Variants in MALRD1 observed in about 807,000 individuals in gnomAD.
MALRD1 encodes MAM and LDL receptor class A domain containing 1, also known as MAM and LDL-receptor class A domain-containing protein 1.
In MALRD1, 247 loss-of-function variants were observed where a neutral mutation model predicts 242.1. That is an observed-to-expected ratio of 1.02 (90% CI 0.92 to 1.13). The LOEUF is 1.13. Among genes scored for constraint, MALRD1 ranks in the 50% most tolerant of loss-of-function variants. MALRD1 has a pLI of 0.00. For synonymous variants in MALRD1, 995 were observed against 866.6 expected, an observed-to-expected ratio of 1.15 and a Z score of -2.60; for missense variants, 2,989 against 2,533.1, an observed-to-expected ratio of 1.18 and a Z score of -3.86.
chr10:19,661,198 T>C (rs1841410337), intron 36 of MALRD1, among the ~76,000 whole-genome samples: 1 of 152,186 alleles, frequency 6.6e-6, no homozygotes, highest in Non-Finnish European at 1.5e-5. Flanking sequence ...GACTGTAAAC[T>C]AGTTCAACCA....
intron 38 of MALRD1, among the ~76,000 whole-genome samples, chr10:19,706,494 G>A (rs1043901089): frequency 2.0e-5 from 3 of 151,870 alleles, no homozygotes; most frequent in Non-Finnish European, 4.4e-5. Context: ...GGGATTACAG[G>A]TGCCTGCCAC....
At chr10:19,229,091 A>G (rs557244971) in intron 18 of MALRD1, among the ~76,000 whole-genome samples, 5 of 152,196 alleles carry the variant, frequency 3.3e-5, no homozygotes, top group African/African-American at 1.2e-4. Context: ...ATTGTGTTTG[A>G]AATAAAAATA....
Position 19,595,552 on chromosome 10 carries a change from C to T in MALRD1, c.5944+95C>T, listed in dbSNP as rs1164571291. The T allele has an allele frequency of 4.3e-5, 57 of 1,323,276 alleles. 2 individuals carry two copies. In the South Asian group the frequency reaches 8.8e-4, roughly 20 times the overall value. The allele number at this position is 1,323,276 out of a possible 1,614,324, so 82.0% of individuals were successfully genotyped here. The stretch of plus-strand genomic sequence containing the variant: ...CAGATAAAATGAAGTTCTCTAGAGC[C>T]TTACCGTGATTGTATCATTAATAAC... On this transcript the variant is annotated intron_variant, in intron 34 of 39. Transcript: ENST00000454679.
chr10:19,598,721 C>T (rs953435165), intron 34 of MALRD1, among the ~76,000 whole-genome samples: 3 of 151,850 alleles, frequency 2.0e-5, no homozygotes, highest in Admixed American at 6.6e-5. Flanking sequence ...TGGCCATCAG[C>T]GTATGATTAT....
chr10:19,203,572 T>G (rs180894494), intron 14 of MALRD1, among the ~76,000 whole-genome samples, 156 bp from the exon 15 acceptor site: 373 of 152,304 alleles, frequency 2.4e-3, no homozygotes, highest in Non-Finnish European at 2.3e-3. Flanking sequence ...TTTTTGCAAA[T>G]GAGAAAGGAT....
At chr10:19,294,984 C>T (rs918786247) in intron 21 of MALRD1, among the ~76,000 whole-genome samples, 4 of 151,972 alleles carry the variant, frequency 2.6e-5, no homozygotes, top group African/African-American at 9.7e-5. Context: ...TGTTTGCAAT[C>T]TGTAATCATC....
chr10:19,062,597 G>A (rs546179262), intron 1 of MALRD1, among the ~76,000 whole-genome samples: 1 of 152,260 alleles, frequency 6.6e-6, no homozygotes, highest in East Asian at 1.9e-4. Flanking sequence ...CCTTGAAGAC[G>A]TTATGCTAAG....
chr10:19,712,470 G>A (rs1564561827), intron 38 of MALRD1, among the ~76,000 whole-genome samples: 1 of 152,132 alleles, frequency 6.6e-6, no homozygotes, highest in Non-Finnish European at 1.5e-5. Flanking sequence ...GGAATTTGTG[G>A]ATATGCAGGA....
intron 26 of MALRD1, among the ~76,000 whole-genome samples, chr10:19,376,544 T>TAA (rs1845609644): frequency 2.3e-5 from 2 of 87,874 alleles, no homozygotes; most frequent in Non-Finnish European, 2.3e-5. Context: ...GATACATTCT[T>TAA]TTTTTTTTTT....
In MALRD1 at chr10:19,692,248, T is replaced by G. The variant is rs187195823; in HGVS notation, c.6138-34T>G. 9 of 1,485,106 alleles carry G rather than the reference T, an allele frequency of 6.1e-6. No individual in the cohort carries two copies. In the Admixed American group the frequency reaches 1.8e-4, roughly 30 times the overall value. The allele number at this position is 1,485,106 out of a possible 1,614,324, so 92.0% of individuals were successfully genotyped here. A position where few individuals can be genotyped will look rare whatever the true frequency, so the allele number is the denominator to read the frequency against. Reference sequence around the variant, plus strand: ...TGTTCAAATATCTTTTCACTTTTCTTTTTTCCAACTATTTTATTTTATCTC... The same window carrying G: ...TGTTCAAATATCTTTTCACTTTTCTGTTTTCCAACTATTTTATTTTATCTC... On this transcript the variant is annotated intron_variant, in intron 36 of 39. Coordinates refer to ENST00000454679, the MANE Select transcript of MALRD1 (RefSeq NM_001142308.3).
chr10:19,371,897 T>C lies in MALRD1; in HGVS notation c.4442-15631T>C, dbSNP rs986352441. On this transcript the variant is annotated intron_variant, in intron 26 of 39. Coordinates refer to ENST00000454679, the MANE Select transcript of MALRD1 (RefSeq NM_001142308.3). ...ATAGTTGGAGCTCAGTAAATACTTC[T>C]GAAATAAATGAATGAGAAAGGTAAA... Among the ~76,000 whole-genome samples, 115 of 152,298 alleles carry C rather than the reference T, an allele frequency of 7.6e-4. 1 individual carries two copies. Among genetic ancestry groups the C allele is most frequent in the African/African-American group, 2.7e-3 (114 of 41,574 alleles).
intron 26 of MALRD1, among the ~76,000 whole-genome samples, chr10:19,365,976 C>G (rs533047012): frequency 8.5e-5 from 13 of 152,106 alleles, no homozygotes; most frequent in African/African-American, 3.1e-4. Context: ...AGCTTCCTAT[C>G]AATTGTGTGA....
At chr10:19,148,784 A>ATAT (rs1309198981) in intron 11 of MALRD1, among the ~76,000 whole-genome samples, 906 of 63,798 alleles carry the variant, frequency 0.014, 9 homozygotes, top group African/African-American at 0.024. Context: ...AAAAAAAAAA[A>ATAT]AAAAATATAT....
At chr10:19,167,744 A>C (rs183488045) in intron 13 of MALRD1, among the ~76,000 whole-genome samples, 1 of 152,236 alleles carries the variant, frequency 6.6e-6, no homozygotes, top group East Asian at 1.9e-4. Context: ...ATGGGAGAAG[A>C]GGATGAATCG....
intron 18 of MALRD1, among the ~76,000 whole-genome samples, chr10:19,230,703 G>A (rs1193158752): frequency 1.3e-5 from 2 of 152,082 alleles, no homozygotes; most frequent in Non-Finnish European, 2.9e-5. Context: ...CTGGGAAAAG[G>A]GAGAGAGTTA....
intron 34 of MALRD1, among the ~76,000 whole-genome samples, chr10:19,596,770 A>C (rs2131562678): frequency 6.6e-6 from 1 of 151,242 alleles, no homozygotes; most frequent in Non-Finnish European, 1.5e-5. Flanking sequence ...AACGAAAGAA[A>C]GAGAGAAAGA....
At chr10:19,417,345 T>G (rs189956737) in intron 28 of MALRD1, among the ~76,000 whole-genome samples, 31 of 152,338 alleles carry the variant, frequency 2.0e-4, no homozygotes, top group African/African-American at 6.3e-4. Context: ...ATTTTTAAGT[T>G]TCCCTATTTT....
chr10:19,348,041 C>T (rs866634371), intron 25 of MALRD1, 23 bp downstream of exon 25: 3 of 1,543,352 alleles, frequency 1.9e-6, no homozygotes, highest in Middle Eastern at 3.4e-4. Flanking sequence ...TCGAACCAAC[C>T]AACCAAACAA....
At chr10:19,471,745 C>T (rs936670999) in intron 29 of MALRD1, among the ~76,000 whole-genome samples, 7 of 150,750 alleles carry the variant, frequency 4.6e-5, no homozygotes, top group Non-Finnish European at 1.0e-4. Context: ...TGAAGAAACA[C>T]TACTGATTTT....
Sources: gnomAD v4.1 joint callset for allele counts (sites outside exome capture counted in the v4.1 genomes callset) on GRCh38, gnomAD v4.1.1 for gene constraint, MANE v1.5 for transcripts, NCBI Gene and HGNC (gene_info 2026-07-23, HGNC 2026-07-21) for gene names.